DCSTAMP: variants seen among roughly 807,000 people sequenced by gnomAD.
The protein encoded by DCSTAMP is dendrocyte expressed seven transmembrane protein.
DCSTAMP carries 25 observed loss-of-function variants against 33.8 expected under a neutral mutation model. The ratio of observed to expected loss-of-function variants is 0.74; its 90% CI spans 0.54 to 1.03. The LOEUF is 1.03. DCSTAMP is among the 50% of genes least tolerant of loss of function. The probability of loss-of-function intolerance (pLI) is 0.00; values close to 1 mark genes in which losing one functional copy is unlikely to be tolerated. For missense variants in DCSTAMP, 531 were observed against 556.8 expected (o/e 0.95, Z 0.47); for synonymous variants, 245 against 216.7 (o/e 1.13, Z -1.15).
intron 2 of DCSTAMP, among the ~76,000 whole-genome samples, chr8:104,354,521 C>A (rs1203690973): frequency 1.3e-5 from 2 of 152,134 alleles, no homozygotes; most frequent in Non-Finnish European, 2.9e-5. Flanking sequence ...AAAACTGCTG[C>A]TAAAATTAAA....
chr8:104,351,901 C>T (rs542400080), intron 2 of DCSTAMP, among the ~76,000 whole-genome samples: 2 of 152,240 alleles, frequency 1.3e-5, no homozygotes, highest in South Asian at 2.1e-4. Flanking sequence ...CTGCTTATCT[C>T]CTGCCTCAAA....
At chr8:104,348,443 G>T (rs1810371868) in intron 1 of DCSTAMP, 98 bp from the exon 2 acceptor site, 2 of 1,221,950 alleles carry the variant, frequency 1.6e-6, no homozygotes, top group Non-Finnish European at 2.2e-6. Context: ...AAAGAATTAT[G>T]GCCACGTTTT....
intron 1 of DCSTAMP, among the ~76,000 whole-genome samples, chr8:104,343,832 G>A (rs1453114225): frequency 6.6e-6 from 1 of 152,226 alleles, no homozygotes; most frequent in Admixed American, 6.5e-5. Flanking sequence ...CTGCAAGCCG[G>A]GGAGGGGTCC....
intron 3 of DCSTAMP, among the ~76,000 whole-genome samples, chr8:104,355,869 A>G (rs1245751014): frequency 6.6e-6 from 1 of 152,236 alleles, no homozygotes; most frequent in Admixed American, 6.5e-5. Context: ...GTTGTATGCT[A>G]CTGGACGGAG....
intron 2 of DCSTAMP, among the ~76,000 whole-genome samples, chr8:104,350,749 G>A (rs1255791579): frequency 6.6e-6 from 1 of 152,166 alleles, no homozygotes; most frequent in Non-Finnish European, 1.5e-5. Context: ...TCTGGTCTAG[G>A]TCTTAGAAAG....
At chr8:104,348,442 T>C (rs143215448) in intron 1 of DCSTAMP, 99 bp from the exon 2 acceptor site, 16 of 1,213,490 alleles carry the variant, frequency 1.3e-5, no homozygotes, top group South Asian at 7.8e-5. Flanking sequence ...TAAAGAATTA[T>C]GGCCACGTTT....
intron 1 of DCSTAMP, among the ~76,000 whole-genome samples, chr8:104,343,569 G>A (rs758323184): frequency 1.3e-5 from 2 of 152,162 alleles, no homozygotes; most frequent in African/African-American, 2.4e-5. Flanking sequence ...GGTTAAATGA[G>A]GTCCTAAGTG....
intron 1 of DCSTAMP, among the ~76,000 whole-genome samples, chr8:104,345,460 T>G (rs1438560411): frequency 1.3e-5 from 2 of 152,182 alleles, no homozygotes; most frequent in African/African-American, 4.8e-5. Context: ...GCAGAAAGTT[T>G]TGGTGTCTGG....
chr8:104,344,445 C>T (rs1454667791), intron 1 of DCSTAMP, among the ~76,000 whole-genome samples: 1 of 152,158 alleles, frequency 6.6e-6, no homozygotes. Context: ...CTATGCTGGA[C>T]AGTGCATATA....
chr8:104,346,358 T>G (rs1323052537), intron 1 of DCSTAMP, among the ~76,000 whole-genome samples: 3 of 152,234 alleles, frequency 2.0e-5, no homozygotes, highest in Non-Finnish European at 4.4e-5. Flanking sequence ...TCTGCCCACC[T>G]GCCCGCAGTC....
At chr8:104,353,221 C>T (rs967023754) in intron 2 of DCSTAMP, among the ~76,000 whole-genome samples, 2 of 152,152 alleles carry the variant, frequency 1.3e-5, no homozygotes, top group Non-Finnish European at 2.9e-5. Context: ...CCATTCATTG[C>T]TTAGTGTTGT....
intron 2 of DCSTAMP, among the ~76,000 whole-genome samples, chr8:104,350,272 A>G (rs1409650866): frequency 2.6e-5 from 4 of 152,204 alleles, no homozygotes; most frequent in Admixed American, 2.6e-4. Context: ...TTGAACATGA[A>G]GTGGATTCCC....
intron 1 of DCSTAMP, chr8:104,340,351 TGAG>T (rs1285191853): frequency 6.6e-6 from 1 of 152,224 alleles, no homozygotes; most frequent in African/African-American, 2.4e-5. Flanking sequence ...AACAAAGTCA[TGAG>T]GAGTTCTCTC....
Position 104,349,133 on chromosome 8 carries a change from T to A in DCSTAMP, c.581T>A (p.Leu194Gln), listed in dbSNP as rs776885219. The change falls in exon 2 of 4, where the codon CTG becomes CAG. Residue 194 changes from leucine to glutamine, a missense_variant. Leu to Gln is a moderately radical substitution (Grantham distance 113, BLOSUM62 -2). Coordinates refer to ENST00000297581, the MANE Select transcript of DCSTAMP (RefSeq NM_030788.4). Reference sequence around the variant, plus strand: ...CTAAATGACAGCAAAGGGGAAGTCCTGAGCGTCTTGTACCAGATGGCAACA... The same window carrying A: ...CTAAATGACAGCAAAGGGGAAGTCCAGAGCGTCTTGTACCAGATGGCAACA... ...AQLNDSKGEVLSVLYQMATTT... is the reference protein window; with the variant it reads ...AQLNDSKGEVQSVLYQMATTT... The A allele has an allele frequency of 6.2e-7, 1 of 1,614,204 alleles. No individual in the cohort carries two copies. Among genetic ancestry groups the A allele is most frequent in the East Asian group, 2.2e-5 (1 of 44,884 alleles).
At chr8:104,355,225 T>C in intron 3 of DCSTAMP, 40 bp downstream of exon 3, 1 of 1,569,158 alleles carries the variant, frequency 6.4e-7, no homozygotes, top group East Asian at 2.2e-5. Context: ...ATTGAGGAAG[T>C]GTTGAGTTTG....
intron 2 of DCSTAMP, 50 bp downstream of exon 2, chr8:104,349,631 T>C: frequency 6.4e-7 from 1 of 1,552,032 alleles, no homozygotes; most frequent in Non-Finnish European, 8.7e-7. Context: ...TTTGCTGGTC[T>C]GTCTTGCAAA....
chr8:104,340,573 C>T (rs768874449), intron 1 of DCSTAMP: 1 of 152,234 alleles, frequency 6.6e-6, no homozygotes, highest in Non-Finnish European at 1.5e-5. Context: ...CTGCAGAACG[C>T]CAGCTCCAAG....
intron 1 of DCSTAMP, among the ~76,000 whole-genome samples, chr8:104,348,116 C>T (rs932017872): frequency 6.6e-6 from 1 of 152,138 alleles, no homozygotes; most frequent in Admixed American, 6.5e-5. Flanking sequence ...CATTGCAGGC[C>T]CATTTTAGAC....
chr8:104,349,653 C>G (rs935694138), intron 2 of DCSTAMP, 72 bp downstream of exon 2: 7 of 1,516,904 alleles, frequency 4.6e-6, no homozygotes, highest in Non-Finnish European at 6.2e-6. Context: ...GATCATGAAC[C>G]TCCCGAGGCA....
Sources: gnomAD v4.1 joint callset for allele counts (sites outside exome capture counted in the v4.1 genomes callset) on GRCh38, gnomAD v4.1.1 for gene constraint, MANE v1.5 for transcripts, NCBI Gene and HGNC (gene_info 2026-07-23, HGNC 2026-07-21) for gene names.